The following SNRNP48 variants were observed in gnomAD, a reference collection of about 807,000 sequenced individuals.
The protein encoded by SNRNP48 is U11/U12 small nuclear ribonucleoprotein 48 kDa protein.
In SNRNP48, 43 loss-of-function variants were observed where a neutral mutation model predicts 47.0. The observed-to-expected ratio is 0.92, with a 90% confidence interval of 0.72 to 1.18. The LOEUF (loss-of-function observed/expected upper bound fraction) is 1.18, where lower values mean the gene tolerates loss of function less well. SNRNP48 is among the 50% of genes most tolerant of loss of function. The pLI is 0.00. For missense variants in SNRNP48, 396 were observed against 422.2 expected, an observed-to-expected ratio of 0.94 and a Z score of 0.54; for synonymous variants, 138 against 144.0, an observed-to-expected ratio of 0.96 and a Z score of 0.30.
chr6:7,590,226 G>T lies in SNRNP48; in HGVS notation c.-32G>T, dbSNP rs1346274743. The T allele has an allele frequency of 5.4e-6, 7 of 1,284,524 alleles. No individual in the cohort carries two copies. The highest frequency in any genetic ancestry group is 6.9e-6 in the Non-Finnish European group (7 of 1,008,286). 79.6% of individuals were successfully genotyped at this position (1,284,524 alleles called of 1,614,324 possible). A position where few individuals can be genotyped will look rare whatever the true frequency, so the allele number is the denominator to read the frequency against. ...GGCCTGCGCGTGCGGTCTGCAGTTCGGCCGCTTCCTCTTGGCGGGTGGGCT... is the reference window on the plus strand; with the variant it reads ...GGCCTGCGCGTGCGGTCTGCAGTTCTGCCGCTTCCTCTTGGCGGGTGGGCT... On this transcript the variant is annotated 5_prime_UTR_variant, in exon 1 of 9. Coordinates refer to ENST00000342415, the MANE Select transcript of SNRNP48 (RefSeq NM_152551.4).
At chr6:7,598,379 C>G (rs546840668) in intron 4 of SNRNP48, among the ~76,000 whole-genome samples, 1 of 151,916 alleles carries the variant, frequency 6.6e-6, no homozygotes, top group Non-Finnish European at 1.5e-5. Context: ...CCTGTAATCC[C>G]AGCTACTCAG....
At chr6:7,608,722 A>G (rs1284103542) in intron 8 of SNRNP48, 103 bp from the exon 9 acceptor site, 3 of 474,430 alleles carry the variant, frequency 6.3e-6, no homozygotes, top group Non-Finnish European at 1.1e-5. Context: ...TTAAAGTAGC[A>G]TATTACTGTT....
chr6:7,592,762 G>A (rs1285751673), intron 1 of SNRNP48, among the ~76,000 whole-genome samples: 2 of 152,206 alleles, frequency 1.3e-5, no homozygotes, highest in Middle Eastern at 3.4e-3. Flanking sequence ...GAGAGCGAGC[G>A]AGCGTAGTCA....
At chr6:7,600,038 G>A in intron 4 of SNRNP48, 3 of 995,874 alleles carry the variant, frequency 3.0e-6, no homozygotes, top group Non-Finnish European at 3.6e-6. Context: ...TAATTCAAAG[G>A]AATTAGGCTT....
intron 4 of SNRNP48, among the ~76,000 whole-genome samples, chr6:7,597,393 A>G (rs1306939225): frequency 6.6e-6 from 1 of 152,250 alleles, no homozygotes; most frequent in African/African-American, 2.4e-5. Context: ...AATCGTGACT[A>G]TCAGTGCTGT....
At chr6:7,608,638 C>T (rs1036864654) in intron 8 of SNRNP48, among the ~76,000 whole-genome samples, 187 bp from the exon 9 acceptor site, 1 of 152,000 alleles carries the variant, frequency 6.6e-6, no homozygotes, top group Non-Finnish European at 1.5e-5. Flanking sequence ...TTTAATTACG[C>T]TTTGAAATTC....
chr6:7,591,167 G>A (rs533538486), intron 1 of SNRNP48, among the ~76,000 whole-genome samples: 1 of 152,320 alleles, frequency 6.6e-6, no homozygotes, highest in South Asian at 2.1e-4. Context: ...GAGTTTGCCA[G>A]TTCGCCTTTC....
chr6:7,601,551 AT>A (rs775970488), intron 5 of SNRNP48, 27 bp downstream of exon 5: 2 of 1,509,896 alleles, frequency 1.3e-6, no homozygotes, highest in African/African-American at 2.9e-5. Context: ...ATGGCTTTAC[AT>A]TTCTTCATTA....
In SNRNP48 at chr6:7,609,853, A is replaced by G. The variant is rs1382206992; in HGVS notation, c.*980A>G. On this transcript the variant is annotated 3_prime_UTR_variant, in exon 9 of 9. Coordinates refer to ENST00000342415, the MANE Select transcript of SNRNP48 (RefSeq NM_152551.4). ...AGATTCATACCTCTGTGCAGCCACTATCACGATCAAGATACAAATATTTTC... is the reference window on the plus strand; with the variant it reads ...AGATTCATACCTCTGTGCAGCCACTGTCACGATCAAGATACAAATATTTTC... The G allele has an allele frequency of 3.3e-5, 5 of 152,176 alleles. No individual in the cohort carries two copies. The allele number at this position is 152,176 out of a possible 1,614,324, so 9.4% of individuals were successfully genotyped here. A position where few individuals can be genotyped will look rare whatever the true frequency, so the allele number is the denominator to read the frequency against.
chr6:7,609,084 A>C lies in SNRNP48; in HGVS notation c.*211A>C, dbSNP rs141176884. 1.1e-4 allele frequency: 34 copies of C among 303,604 alleles called. No homozygotes were observed. In the East Asian group the frequency reaches 1.7e-3, roughly 15 times the overall value. 18.8% of individuals were successfully genotyped at this position (303,604 alleles called of 1,614,324 possible). Reference sequence around the variant, plus strand: ...TAGGCCCTACAACTTTGTTTTCCTTATATTTTATTAGATGATTTGCTTCCT... The same window carrying C: ...TAGGCCCTACAACTTTGTTTTCCTTCTATTTTATTAGATGATTTGCTTCCT... On this transcript the variant is annotated 3_prime_UTR_variant, in exon 9 of 9. Transcript: ENST00000342415.
At chr6:7,598,088 C>T (rs950665370) in intron 4 of SNRNP48, among the ~76,000 whole-genome samples, 28 of 151,588 alleles carry the variant, frequency 1.8e-4, no homozygotes, top group Non-Finnish European at 2.7e-4. Flanking sequence ...ACGATGGTCT[C>T]GATCTCCTGA....
chr6:7,599,276 A>G (rs906429058), intron 4 of SNRNP48, among the ~76,000 whole-genome samples: 1 of 152,212 alleles, frequency 6.6e-6, no homozygotes. Context: ...AGTAACAAGA[A>G]TGAGAATTGG....
rs1760111712 is a variant in SNRNP48, at chr6:7,605,590, A to G, written c.806+104A>G. The G allele has an allele frequency of 6.9e-6, 7 of 1,020,318 alleles. No homozygotes were observed. In the South Asian group the frequency reaches 8.9e-5, roughly 13 times the overall value. The allele number at this position is 1,020,318 out of a possible 1,614,324, so 63.2% of individuals were successfully genotyped here. A position where few individuals can be genotyped will look rare whatever the true frequency, so the allele number is the denominator to read the frequency against. ...GCATTTCCAAAACCCTTGATAGCAC[A>G]CAGTAAACTCGTGAAAATGCTTTTT... On this transcript the variant is annotated intron_variant, in intron 7 of 8. Coordinates refer to ENST00000342415, the MANE Select transcript of SNRNP48 (RefSeq NM_152551.4).
rs1470333130 is a variant in SNRNP48 at position 7,602,697 on chromosome 6, T to A, written c.670T>A (p.Ser224Thr). Residue 224 changes from serine to threonine, a missense_variant, in exon 6 of 9, where the codon TCC (serine) becomes ACC (threonine). Coordinates refer to ENST00000342415, the MANE Select transcript of SNRNP48 (RefSeq NM_152551.4). ...ACGAGATTATAAAAGAAGACGCCAG[T>A]CCTATAGAGCCAAGAATGTTCACAT... is the stretch of plus-strand genomic sequence containing the variant. ...EVRDYKRRRQ[S>T]YRAKNVHITK... 7 of 1,602,506 alleles carry A rather than the reference T, an allele frequency of 4.4e-6. No homozygotes were observed. Among genetic ancestry groups the A allele is most frequent in the South Asian group, 1.1e-5 (1 of 88,686 alleles).
At chr6:7,594,201 G>T (rs767148040) in intron 3 of SNRNP48, 42 bp downstream of exon 3, 2 of 997,340 alleles carry the variant, frequency 2.0e-6, no homozygotes, top group Admixed American at 6.8e-5. Flanking sequence ...TCTTAGTGTA[G>T]ATATTGATTT....
chr6:7,601,577 G>T, intron 5 of SNRNP48, 53 bp downstream of exon 5: 2 of 1,446,694 alleles, frequency 1.4e-6, no homozygotes, highest in South Asian at 1.5e-5. Context: ...TTTATTCTAT[G>T]AGTGTTATTA....
intron 8 of SNRNP48, among the ~76,000 whole-genome samples, chr6:7,607,247 G>A (rs561834042): frequency 5.6e-4 from 85 of 152,318 alleles, no homozygotes; most frequent in African/African-American, 1.9e-3. Flanking sequence ...GAGCCTGAGA[G>A]GTTGAGGCTG....
In SNRNP48 at chr6:7,608,824, G is replaced by A. The variant is rs1581841661; in HGVS notation, c.972-1G>A. 6.7e-7 allele frequency: 1 copy of A among 1,487,894 alleles called. No individual in the cohort carries two copies. 92.2% of individuals were successfully genotyped at this position (1,487,894 alleles called of 1,614,324 possible). A position where few individuals can be genotyped will look rare whatever the true frequency, so the allele number is the denominator to read the frequency against. On this transcript the variant is annotated splice_acceptor_variant, in intron 8 of 8. Transcript: ENST00000342415. LOFTEE classifies it high-confidence loss of function. ...ATTTTTTTATACCTCTTTTATTTCA[G>A]GGATGGGGAAAGACACCATAGTCAT... is the stretch of plus-strand genomic sequence containing the variant.
In SNRNP48 at chr6:7,590,409, C is replaced by A; in HGVS notation, c.152C>A (p.Ala51Glu). The A allele has an allele frequency of 7.6e-7, 1 of 1,311,780 alleles. No individual in the cohort carries two copies. 81.3% of individuals were successfully genotyped at this position (1,311,780 alleles called of 1,614,324 possible). The change falls in exon 1 of 9, where the codon GCG becomes GAG. Residue 51 changes from alanine to glutamate, a missense_variant. Transcript: ENST00000342415. ...CTGGATCCCGGGGAAGAGGAGGCGGCGGAGGTGAGGAGCGCGGCCGCGGGG... is the reference window on the plus strand; with the variant it reads ...CTGGATCCCGGGGAAGAGGAGGCGGAGGAGGTGAGGAGCGCGGCCGCGGGG... ...DSLDPGEEEA[A>E]EDEVVICPYD...
Sources: allele counts gnomAD v4.1 joint callset (sites outside exome capture counted in the v4.1 genomes callset), GRCh38; gene constraint gnomAD v4.1.1; transcripts MANE v1.5; gene names NCBI Gene and HGNC (gene_info 2026-07-23, HGNC 2026-07-21).